CFDP1: variants seen among roughly 807,000 people sequenced by gnomAD.
The protein encoded by CFDP1 is chromatin remodeling protein CFDP1.
Under a neutral mutation model 40.1 loss-of-function variants are expected in CFDP1, and 31 were observed. That is an observed-to-expected ratio of 0.77 (90% CI 0.58 to 1.04). The LOEUF is 1.04. Ranked by LOEUF, CFDP1 falls within the 50% of genes least tolerant of loss-of-function variation. CFDP1 has a pLI of 0.00. For synonymous variants in CFDP1, 167 were observed against 120.0 expected, an observed-to-expected ratio of 1.39 and a Z score of -2.56; for missense variants, 423 against 343.4, an observed-to-expected ratio of 1.23 and a Z score of -1.83.
intron 5 of CFDP1, among the ~76,000 whole-genome samples, chr16:75,379,224 GAAAT>G (rs1230904227): frequency 1.3e-5 from 2 of 150,144 alleles, no homozygotes. Context: ...CAGAAGCAAG[GAAAT>G]AATTATAGAA....
chr16:75,328,738 G>C (rs1414347295), intron 5 of CFDP1, among the ~76,000 whole-genome samples: 2 of 151,114 alleles, frequency 1.3e-5, no homozygotes, highest in African/African-American at 4.9e-5. Flanking sequence ...GAGTACAGTG[G>C]TGTGATCTTG....
At chr16:75,405,914 G>A (rs1331296714) in intron 4 of CFDP1, among the ~76,000 whole-genome samples, 4 of 147,702 alleles carry the variant, frequency 2.7e-5, no homozygotes, top group Non-Finnish European at 6.0e-5. Flanking sequence ...GCAAAACCCC[G>A]TCTCCAAAAA....
rs76285010 is a variant in CFDP1 at position 75,344,296 on chromosome 16, T to C, written c.651-39114A>G. Among the ~76,000 whole-genome samples, 1,007 of 152,328 alleles carry C rather than the reference T, an allele frequency of 6.6e-3. 6 individuals carry two copies. The highest frequency in any genetic ancestry group is 0.01 in the Middle Eastern group (3 of 294). On this transcript the variant is annotated intron_variant, in intron 5 of 6. Coordinates refer to ENST00000283882, the MANE Select transcript of CFDP1 (RefSeq NM_006324.3). ...AGTGATGGCTACACAACACTGTGTA[T>C]GTACGAAATGCCACTGAATTGTACA... is the stretch of plus-strand genomic sequence containing the variant.
chr16:75,350,306 C>T (rs2078601862), intron 5 of CFDP1, among the ~76,000 whole-genome samples: 1 of 152,134 alleles, frequency 6.6e-6, no homozygotes, highest in South Asian at 2.1e-4. Flanking sequence ...TGAGAATCTG[C>T]CAAACTCTTT....
At chr16:75,369,593 G>GA (rs1291193762) in intron 5 of CFDP1, among the ~76,000 whole-genome samples, 2 of 152,174 alleles carry the variant, frequency 1.3e-5, no homozygotes, top group East Asian at 3.9e-4. Flanking sequence ...TTCTTCTGAT[G>GA]AAACTGGAAA....
At chr16:75,344,504 G>A (rs1182559452) in intron 5 of CFDP1, among the ~76,000 whole-genome samples, 1 of 152,160 alleles carries the variant, frequency 6.6e-6, no homozygotes, top group Non-Finnish European at 1.5e-5. Context: ...CTTATGTTCA[G>A]ATATTTTATA....
At chr16:75,323,115 G>C (rs1213610670) in intron 5 of CFDP1, among the ~76,000 whole-genome samples, 1 of 151,136 alleles carries the variant, frequency 6.6e-6, no homozygotes, top group Non-Finnish European at 1.5e-5. Context: ...CTGTTTTTTA[G>C]TAATGCTTAG....
intron 5 of CFDP1, among the ~76,000 whole-genome samples, chr16:75,309,607 T>G (rs1041203816): frequency 1.9e-4 from 29 of 151,834 alleles, no homozygotes; most frequent in African/African-American, 6.5e-4. Flanking sequence ...GATCACAAGG[T>G]CAGGAGATCG....
At chr16:75,363,413 T>C (rs1045684334) in intron 5 of CFDP1, among the ~76,000 whole-genome samples, 2 of 151,126 alleles carry the variant, frequency 1.3e-5, no homozygotes, top group Non-Finnish European at 2.9e-5. Context: ...TTTTTTTCCA[T>C]GAGATGGTGT....
intron 5 of CFDP1, among the ~76,000 whole-genome samples, chr16:75,327,900 G>A (rs564149830): frequency 6.1e-4 from 92 of 151,884 alleles, no homozygotes; most frequent in African/African-American, 9.9e-4. Flanking sequence ...ATTTTTTTGC[G>A]TGTATTTTTA....
chr16:75,414,526 G>T, intron 2 of CFDP1, 52 bp downstream of exon 2: 1 of 1,053,192 alleles, frequency 9.5e-7, no homozygotes, highest in Non-Finnish European at 1.5e-6. Context: ...TAGCAATCAG[G>T]ATGGTTGTGA....
At chr16:75,349,698 T>TATATATATACATACAC (rs146824267) in intron 5 of CFDP1, among the ~76,000 whole-genome samples, 1 of 47,896 alleles carries the variant, frequency 2.1e-5, no homozygotes, top group African/African-American at 1.1e-4. Flanking sequence ...AAAATATATA[T>TATATATATACATACAC]ACATACATAT....
Position 75,373,969 on chromosome 16 carries a change from C to T in CFDP1, c.650+21121G>A, listed in dbSNP as rs149768619. 2.8e-3 allele frequency among the ~76,000 whole-genome samples: 423 copies of T among 152,162 alleles called. 3 individuals are homozygous for T. Among genetic ancestry groups the T allele is most frequent in the African/African-American group, 9.9e-3 (413 of 41,530 alleles). On this transcript the variant is annotated intron_variant, in intron 5 of 6. Transcript: ENST00000283882. ...GGAGTTAGTTTTGAAAATTATAGAA[C>T]TGGCCAGGCACGGTGGCTCACACCT...
intron 5 of CFDP1, among the ~76,000 whole-genome samples, chr16:75,373,548 T>C (rs1017318965): frequency 1.3e-5 from 2 of 152,130 alleles, no homozygotes; most frequent in Non-Finnish European, 2.9e-5. Context: ...CTACCTAAAC[T>C]CACTGTGTAA....
intron 5 of CFDP1, chr16:75,305,487 C>T (rs1567639984): frequency 6.8e-6 from 2 of 294,894 alleles, no homozygotes; most frequent in Non-Finnish European, 1.3e-5. Context: ...AGGAGCAGCG[C>T]TTCAGGCAGG....
At chr16:75,302,800 T>C (rs2078230002) in intron 6 of CFDP1, among the ~76,000 whole-genome samples, 2 of 152,332 alleles carry the variant, frequency 1.3e-5, no homozygotes, top group East Asian at 1.9e-4. Flanking sequence ...ATCCGGAGTC[T>C]TCCCCTGATC....
At position 75,293,717 on chromosome 16, in the gene CFDP1, C is replaced by T. The variant is rs2078161723; in HGVS notation, c.*235G>A. On this transcript the variant is annotated 3_prime_UTR_variant, in exon 7 of 7. Transcript: ENST00000283882. The stretch of plus-strand genomic sequence containing the variant: ...GGAAGGTGAGCGAGGTCGTCATCTT[C>T]ATTATCCTCTCACAGGACCAACTTT... 2 of 494,254 alleles carry T rather than the reference C, an allele frequency of 4.0e-6. No individual in the cohort carries two copies. Among genetic ancestry groups the T allele is most frequent in the Non-Finnish European group, 7.3e-6 (2 of 275,778 alleles). 30.6% of individuals were successfully genotyped at this position (494,254 alleles called of 1,614,324 possible).
chr16:75,402,453 T>C (rs1191785744), intron 4 of CFDP1, among the ~76,000 whole-genome samples: 1 of 152,150 alleles, frequency 6.6e-6, no homozygotes, highest in Non-Finnish European at 1.5e-5. Flanking sequence ...TATTCCCCCA[T>C]TCCCCTAGGT....
At chr16:75,380,431 A>C (rs2078843170) in intron 5 of CFDP1, among the ~76,000 whole-genome samples, 1 of 152,058 alleles carries the variant, frequency 6.6e-6, no homozygotes, top group Non-Finnish European at 1.5e-5. Flanking sequence ...AGTTTCAATA[A>C]CTTCCAGTCG....
Sources: gnomAD v4.1 joint callset for allele counts (sites outside exome capture counted in the v4.1 genomes callset) on GRCh38, gnomAD v4.1.1 for gene constraint, MANE v1.5 for transcripts, NCBI Gene and HGNC (gene_info 2026-07-23, HGNC 2026-07-21) for gene names.